Variants in KAZN observed in about 807,000 individuals in gnomAD.
The protein encoded by KAZN is kazrin.
KAZN carries 40 observed loss-of-function variants against 87.4 expected under a neutral mutation model. That is an observed-to-expected ratio of 0.46 (90% CI 0.36 to 0.60). The LOEUF is 0.60. Among genes scored for constraint, KAZN ranks in the 20% least tolerant of loss-of-function variants. The probability of loss-of-function intolerance (pLI) is 0.00; values close to 1 mark genes in which losing one functional copy is unlikely to be tolerated. For missense variants in KAZN, 898 were observed against 1,073.9 expected (o/e 0.84, Z 2.29); for synonymous variants, 466 against 458.3 (o/e 1.02, Z -0.22).
intron 1 of KAZN, among the ~76,000 whole-genome samples, chr1:14,676,025 G>C (rs1256151981): frequency 6.6e-6 from 1 of 151,966 alleles, no homozygotes; most frequent in Non-Finnish European, 1.5e-5. Context: ...AGGAGATGCT[G>C]ACCGGACGTG....
chr1:13,983,468 G>T (rs745999990), intron 1 of KAZN, among the ~76,000 whole-genome samples: 1 of 152,216 alleles, frequency 6.6e-6, no homozygotes, highest in Admixed American at 6.5e-5. Context: ...TGCAGGGCCC[G>T]CCAAGCCCAC....
chr1:14,115,886 A>G (rs10928018), intron 1 of KAZN, among the ~76,000 whole-genome samples: 17,454 of 152,172 alleles, frequency 0.11, 2,088 homozygotes, highest in African/African-American at 0.3. Context: ...CTTGGGAACT[A>G]GAGCAAAGGT....
At chr1:13,959,779 G>A (rs1641683183) in intron 1 of KAZN, among the ~76,000 whole-genome samples, 1 of 152,114 alleles carries the variant, frequency 6.6e-6, no homozygotes, top group Admixed American at 6.5e-5. Context: ...AATTAAGGCA[G>A]CCTTTCTCAT....
chr1:14,599,273 C>T lies in KAZN; in HGVS notation c.226+50C>T, dbSNP rs1365356257. 5 of 1,295,086 alleles carry T rather than the reference C, an allele frequency of 3.9e-6. No homozygotes were observed. Among genetic ancestry groups the T allele is most frequent in the African/African-American group, 3.1e-5 (2 of 64,722 alleles). 80.2% of individuals were successfully genotyped at this position (1,295,086 alleles called of 1,614,324 possible). On this transcript the variant is annotated intron_variant, in intron 1 of 14. Transcript: ENST00000376030. The surrounding 1 kb of genome is among the most constrained non-coding windows in gnomAD (Gnocchi z 4.4). ...CGGAGGAAGGCGAGCAGAGCACGCC[C>T]GGCCTCGGAGGTGGCCGGGGACCCG...
rs537580244 is a variant in KAZN, at chr1:13,970,408, T to C, written c.91+76652T>C. On this transcript the variant is annotated intron_variant, in intron 1 of 16. Coordinates refer to the KAZN transcript ENST00000636203. ...GCTCTTATTATTCTCATTTTACAGGTGAGGAGACTTAGGATCAGAAGCGTG... is the reference window on the plus strand; with the variant it reads ...GCTCTTATTATTCTCATTTTACAGGCGAGGAGACTTAGGATCAGAAGCGTG... 3.9e-5 allele frequency among the ~76,000 whole-genome samples: 6 copies of C among 152,296 alleles called. No homozygotes were observed. The East Asian group carries it at 1.2e-3, about 29-fold the overall frequency.
chr1:14,768,551 G>T (rs892767806), intron 1 of KAZN, among the ~76,000 whole-genome samples: 6 of 152,166 alleles, frequency 3.9e-5, no homozygotes, highest in Non-Finnish European at 2.9e-5. Context: ...ATTTCAAGTG[G>T]TCTCCACTTC....
rs982436668 is a variant in KAZN, at chr1:14,820,824, C to A, written c.227-139860C>A. Among the ~76,000 whole-genome samples, 2 of 152,088 alleles carry A rather than the reference C, an allele frequency of 1.3e-5. No individual in the cohort carries two copies. Among genetic ancestry groups the A allele is most frequent in the Non-Finnish European group, 2.9e-5 (2 of 68,018 alleles). ...CAGTGGGGAGTGAAGGGGGCCATGG[C>A]AGTCTGATGCAGGGAAGGGATACGC... is the stretch of plus-strand genomic sequence containing the variant. On this transcript the variant is annotated intron_variant, in intron 1 of 14. Coordinates refer to ENST00000376030, the MANE Select transcript of KAZN (RefSeq NM_201628.3). The surrounding 1 kb of genome is among the most constrained non-coding windows in gnomAD (Gnocchi z 4.1).
intron 2 of KAZN, among the ~76,000 whole-genome samples, chr1:14,193,668 T>G (rs1418441883): frequency 0.014 from 2,112 of 152,068 alleles, 21 homozygotes; most frequent in Non-Finnish European, 0.023. Context: ...GGTGTTTTTT[T>G]TTTTTTTTTT....
intron 1 of KAZN, among the ~76,000 whole-genome samples, chr1:14,029,967 T>G (rs1437112524): frequency 1.3e-5 from 2 of 152,240 alleles, no homozygotes; most frequent in East Asian, 3.8e-4. Flanking sequence ...GGCTCTTTTT[T>G]GGTTCCATAT....
intron 8 of KAZN, among the ~76,000 whole-genome samples, chr1:15,080,399 G>A (rs1394931524): frequency 1.3e-5 from 2 of 152,118 alleles, no homozygotes; most frequent in Non-Finnish European, 2.9e-5. Flanking sequence ...CAGGGGTGGT[G>A]CAGGTTGGTG....
chr1:13,960,665 C>T (rs1641717115), intron 1 of KAZN, among the ~76,000 whole-genome samples: 1 of 152,196 alleles, frequency 6.6e-6, no homozygotes, highest in Admixed American at 6.5e-5. Context: ...CTTGTATTTG[C>T]TAAGGCCTCA....
Position 14,941,201 on chromosome 1 carries a change from G to A in KAZN, c.227-19483G>A, listed in dbSNP as rs141693487. Among the ~76,000 whole-genome samples, 12 of 152,242 alleles carry A rather than the reference G, an allele frequency of 7.9e-5. No homozygotes were observed. In the East Asian group the frequency reaches 2.3e-3, roughly 29 times the overall value. ...TCCCAAAGTCTGGGATTACAGGCGTGAGCCACCACGCCCGTCTTCATTCAC... is the reference window on the plus strand; with the variant it reads ...TCCCAAAGTCTGGGATTACAGGCGTAAGCCACCACGCCCGTCTTCATTCAC... On this transcript the variant is annotated intron_variant, in intron 1 of 14. Transcript: ENST00000376030.
At chr1:14,659,531 TTA>T (rs1167691384) in intron 1 of KAZN, among the ~76,000 whole-genome samples, 4 of 152,148 alleles carry the variant, frequency 2.6e-5, no homozygotes, top group South Asian at 2.1e-4. Flanking sequence ...AGGCAGCACT[TTA>T]TGTTGTGTTT....
chr1:14,957,083 A>G (rs1400139950), intron 1 of KAZN, among the ~76,000 whole-genome samples: 1 of 151,832 alleles, frequency 6.6e-6, no homozygotes. Flanking sequence ...GTGTGCGTCT[A>G]TTTGCTGGAG....
chr1:14,005,109 A>C (rs1486108965), intron 1 of KAZN, among the ~76,000 whole-genome samples: 1 of 152,208 alleles, frequency 6.6e-6, no homozygotes, highest in Non-Finnish European at 1.5e-5. Context: ...GTTATCAGCA[A>C]CAGAAAATGG....
chr1:14,318,970 ATC>A (rs1486324687), intron 2 of KAZN, among the ~76,000 whole-genome samples: 1 of 151,386 alleles, frequency 6.6e-6, no homozygotes, highest in African/African-American at 2.4e-5. Flanking sequence ...TAATTGCTTT[ATC>A]TCTGTACTGT....
chr1:14,985,444 G>T (rs1430864115), intron 2 of KAZN, among the ~76,000 whole-genome samples: 1 of 148,762 alleles, frequency 6.7e-6, no homozygotes, highest in Non-Finnish European at 1.5e-5. Flanking sequence ...GCAGGAGGAT[G>T]GCTTAAGCCC....
chr1:13,960,493 C>T (rs1257044219), intron 1 of KAZN, among the ~76,000 whole-genome samples: 2 of 152,150 alleles, frequency 1.3e-5, no homozygotes, highest in East Asian at 3.8e-4. Flanking sequence ...TGCCGGGCCA[C>T]AGAGATGAAG....
intron 1 of KAZN, among the ~76,000 whole-genome samples, chr1:14,046,758 G>A (rs1174971124): frequency 6.6e-6 from 1 of 152,218 alleles, no homozygotes; most frequent in African/African-American, 2.4e-5. Context: ...GTTATGATCA[G>A]GGTCCAGGGA....
Sources: allele counts gnomAD v4.1 joint callset (sites outside exome capture counted in the v4.1 genomes callset), GRCh38; gene constraint gnomAD v4.1.1; non-coding constraint Gnocchi (gnomAD v3.1); transcripts MANE v1.5; gene names NCBI Gene and HGNC (gene_info 2026-07-23, HGNC 2026-07-21).